The following ROR2 variants were observed in gnomAD, a reference collection of about 807,000 sequenced individuals.
ROR2 encodes the protein tyrosine-protein kinase transmembrane receptor ROR2.
A neutral mutation model predicts 74.9 loss-of-function variants in ROR2; 33 were observed. The ratio of observed to expected loss-of-function variants is 0.44; its 90% CI spans 0.33 to 0.59. The LOEUF is 0.59. Among genes scored for constraint, ROR2 ranks in the 20% least tolerant of loss-of-function variants. The pLI, the probability that ROR2 is intolerant of heterozygous loss-of-function variation, is 0.02. For missense variants in ROR2, 1,216 were observed against 1,313.8 expected (o/e 0.93, Z 1.15); for synonymous variants, 586 against 558.7 (o/e 1.05, Z -0.69).
intron 1 of ROR2, among the ~76,000 whole-genome samples, chr9:91,824,002 G>C (rs1252696221): frequency 6.6e-6 from 1 of 152,236 alleles, no homozygotes; most frequent in East Asian, 1.9e-4. Flanking sequence ...TCCACTAGCA[G>C]AGCTCAGAGA....
At chr9:91,802,185 T>A (rs1827409678) in intron 1 of ROR2, among the ~76,000 whole-genome samples, 1 of 149,200 alleles carries the variant, frequency 6.7e-6, no homozygotes. Flanking sequence ...GCCATTCTCC[T>A]GCCTCAGTCT....
intron 2 of ROR2, among the ~76,000 whole-genome samples, chr9:91,773,701 C>T (rs764667707): frequency 1.3e-4 from 20 of 152,222 alleles, no homozygotes; most frequent in Non-Finnish European, 2.5e-4. Context: ...CCACCTTGCC[C>T]CAGCCCATAA....
intron 2 of ROR2, among the ~76,000 whole-genome samples, chr9:91,768,920 G>C (rs1187394611): frequency 6.6e-6 from 1 of 152,226 alleles, no homozygotes; most frequent in Non-Finnish European, 1.5e-5. Context: ...TCCCCTACTT[G>C]GATCAAAGGT....
chr9:91,796,793 TGGGTG>T (rs1827192552), intron 1 of ROR2, among the ~76,000 whole-genome samples: 2 of 107,042 alleles, frequency 1.9e-5, no homozygotes, highest in Non-Finnish European at 3.6e-5. Context: ...CTGGGCTCTG[TGGGTG>T]GGGAATGACA....
chr9:91,891,252 C>CTTTTTTTTTTTT (rs59835723), intron 1 of ROR2, among the ~76,000 whole-genome samples: 4 of 136,850 alleles, frequency 2.9e-5, no homozygotes, highest in Non-Finnish European at 1.6e-5. Flanking sequence ...CTGTTCCTTT[C>CTTTTTTTTTTTT]TTTTTTTTTT....
intron 1 of ROR2, among the ~76,000 whole-genome samples, chr9:91,904,555 G>A (rs1399909723): frequency 6.6e-6 from 1 of 152,220 alleles, no homozygotes; most frequent in Non-Finnish European, 1.5e-5. Context: ...GCCCAGCCTT[G>A]TGGAGCAAGG....
chr9:91,737,192 G>A (rs1468190440), intron 5 of ROR2, among the ~76,000 whole-genome samples, 199 bp downstream of exon 5: 3 of 152,202 alleles, frequency 2.0e-5, no homozygotes, highest in East Asian at 1.9e-4. Context: ...TAAACATACA[G>A]GCCAGGAACA....
At chr9:91,840,047 T>A (rs1165302758) in intron 1 of ROR2, among the ~76,000 whole-genome samples, 1 of 152,122 alleles carries the variant, frequency 6.6e-6, no homozygotes, top group East Asian at 1.9e-4. Context: ...CTGCCCAGCA[T>A]TTCTCAGGGA....
chr9:91,821,533 C>T (rs893802487), intron 1 of ROR2, among the ~76,000 whole-genome samples: 2 of 152,064 alleles, frequency 1.3e-5, no homozygotes, highest in Non-Finnish European at 2.9e-5. Context: ...TACAGTAGTA[C>T]CCCCTGCCCC....
intron 6 of ROR2, 47 bp from the exon 7 acceptor site, chr9:91,731,202 C>T (rs764114594): frequency 5.6e-6 from 9 of 1,612,422 alleles, no homozygotes; most frequent in Non-Finnish European, 6.8e-6. Flanking sequence ...TACAACAAAA[C>T]CATTCTGCCT....
At chr9:91,776,851 G>A (rs972288000) in intron 1 of ROR2, among the ~76,000 whole-genome samples, 1 of 152,124 alleles carries the variant, frequency 6.6e-6, no homozygotes, top group African/African-American at 2.4e-5. Flanking sequence ...ATTATTAACT[G>A]CTTAGAAATT....
At position 91,857,639 on chromosome 9, in the gene ROR2, G is replaced by C. The variant is rs562842154; in HGVS notation, c.98-81821C>G. 1.7e-3 allele frequency among the ~76,000 whole-genome samples: 260 copies of C among 152,242 alleles called. 4 individuals are homozygous for C. Among genetic ancestry groups the C allele is most frequent in the Non-Finnish European group, 2.2e-4 (15 of 68,000 alleles). Reference sequence around the variant, plus strand: ...GCTGCTAGGCAGGACCCAGGACGAGGGGGTGGCAAGCCCGGAGGCAGGCCC... The same window carrying C: ...GCTGCTAGGCAGGACCCAGGACGAGCGGGTGGCAAGCCCGGAGGCAGGCCC... On this transcript the variant is annotated intron_variant, in intron 1 of 8. Transcript: ENST00000375708.
chr9:91,894,579 CAAT>C, intron 1 of ROR2, among the ~76,000 whole-genome samples: 1 of 152,302 alleles, frequency 6.6e-6, no homozygotes, highest in Admixed American at 6.5e-5. Flanking sequence ...TGCAAAAACA[CAAT>C]GAGTTTAAAC....
At chr9:91,900,591 G>C (rs931253476) in intron 1 of ROR2, among the ~76,000 whole-genome samples, 2 of 152,246 alleles carry the variant, frequency 1.3e-5, no homozygotes, top group African/African-American at 4.8e-5. Context: ...ACAAGCTTCT[G>C]GAAGAGAGTG....
At chr9:91,808,726 AG>A (rs1261663665) in intron 1 of ROR2, among the ~76,000 whole-genome samples, 2 of 152,064 alleles carry the variant, frequency 1.3e-5, no homozygotes, top group Non-Finnish European at 2.9e-5. Flanking sequence ...TCGGAGGCCG[AG>A]GAGGGCGGAT....
chr9:91,769,205 C>T (rs939940256), intron 2 of ROR2, among the ~76,000 whole-genome samples: 3 of 152,026 alleles, frequency 2.0e-5, no homozygotes, highest in Non-Finnish European at 2.9e-5. Context: ...CTTCTCTTTG[C>T]GCCCACAAAA....
intron 7 of ROR2, among the ~76,000 whole-genome samples, chr9:91,728,993 T>C (rs569346763): frequency 1.5e-3 from 229 of 152,154 alleles, no homozygotes; most frequent in Non-Finnish European, 2.4e-3. Flanking sequence ...AGTACAAACC[T>C]GCGATACAAG....
chr9:91,795,670 C>T (rs1470776552), intron 1 of ROR2, among the ~76,000 whole-genome samples: 6 of 152,110 alleles, frequency 3.9e-5, no homozygotes, highest in Admixed American at 3.9e-4. Context: ...TTCCTTGAGG[C>T]CTTTTTATTT....
rs1830421340 is a variant in ROR2, at chr9:91,891,575, G to A, written c.97+58292C>T. On this transcript the variant is annotated intron_variant, in intron 1 of 8. Transcript: ENST00000375708. The stretch of plus-strand genomic sequence containing the variant: ...TGAGCTACCGCACCCGGCCCTAGCT[G>A]TGTTCCTTTCTAGAGGCCCAGGGAA... Among the ~76,000 whole-genome samples, 3 of 152,202 alleles carry A rather than the reference G, an allele frequency of 2.0e-5. No homozygotes were observed. In the South Asian group the frequency reaches 6.2e-4, roughly 31 times the overall value.
Sources: gnomAD v4.1 joint callset for allele counts (sites outside exome capture counted in the v4.1 genomes callset) on GRCh38, gnomAD v4.1.1 for gene constraint, MANE v1.5 for transcripts, NCBI Gene and HGNC (gene_info 2026-07-23, HGNC 2026-07-21) for gene names.